RFFL: variants seen among roughly 807,000 people sequenced by gnomAD.
RFFL encodes the protein E3 ubiquitin-protein ligase rififylin.
In RFFL, 16 loss-of-function variants were observed where a neutral mutation model predicts 40.4. The observed-to-expected ratio is 0.40, with a 90% CI of 0.27 to 0.60. The LOEUF is 0.60. Among genes scored for constraint, RFFL ranks in the 20% least tolerant of loss-of-function variants. RFFL has a pLI of 0.47. For missense variants in RFFL, 367 were observed against 451.7 expected, an observed-to-expected ratio of 0.81 and a Z score of 1.70; for synonymous variants, 154 against 167.9, an observed-to-expected ratio of 0.92 and a Z score of 0.64.
chr17:35,024,534 G>A (rs1381575336), intron 2 of RFFL, among the ~76,000 whole-genome samples: 1 of 152,190 alleles, frequency 6.6e-6, no homozygotes, highest in African/African-American at 2.4e-5. Flanking sequence ...TATTTGGCTT[G>A]TGGCAAAAGT....
chr17:35,080,329 A>G (rs2091397752), intron 1 of RFFL, among the ~76,000 whole-genome samples: 1 of 152,198 alleles, frequency 6.6e-6, no homozygotes, highest in South Asian at 2.1e-4. Flanking sequence ...TCTCAGGCAC[A>G]TATTTTAATC....
intron 1 of RFFL, among the ~76,000 whole-genome samples, chr17:35,068,809 AG>A (rs1401207074): frequency 3.3e-5 from 5 of 152,184 alleles, no homozygotes. Flanking sequence ...AGGAGGAGAA[AG>A]GAAGTCAGCA....
intron 1 of RFFL, among the ~76,000 whole-genome samples, chr17:35,055,388 C>A (rs2142361622): frequency 6.6e-6 from 1 of 152,030 alleles, no homozygotes; most frequent in East Asian, 1.9e-4. Flanking sequence ...TTTAATTAAG[C>A]ATTAGGCCAG....
intron 1 of RFFL, among the ~76,000 whole-genome samples, chr17:35,051,366 T>C (rs1347152435): frequency 1.3e-5 from 2 of 152,224 alleles, no homozygotes; most frequent in Non-Finnish European, 2.9e-5. Context: ...AAACACATCC[T>C]GTTTGCACTT....
chr17:35,036,400 A>C (rs1436770911), intron 1 of RFFL: 1 of 152,090 alleles, frequency 6.6e-6, no homozygotes, highest in Non-Finnish European at 1.5e-5. Context: ...TTCCTTCCCA[A>C]ACTCCCCTCA....
chr17:35,015,525 A>G (rs1432232038), intron 5 of RFFL, among the ~76,000 whole-genome samples: 2 of 152,214 alleles, frequency 1.3e-5, no homozygotes, highest in East Asian at 3.9e-4. Flanking sequence ...CCATGTCAGT[A>G]GGCCTCAGTC....
chr17:35,080,543 C>CGATT (rs1487315080), intron 1 of RFFL, among the ~76,000 whole-genome samples: 1 of 152,088 alleles, frequency 6.6e-6, no homozygotes, highest in Non-Finnish European at 1.5e-5. Context: ...GGAGGATGCA[C>CGATT]GATTTACTTA....
chr17:35,070,658 C>G lies in RFFL; in HGVS notation c.-9+18447G>C, dbSNP rs570338287. Among the ~76,000 whole-genome samples the G allele has an allele frequency of 3.9e-4, 59 of 152,172 alleles. No individual in the cohort carries two copies. The South Asian group carries it at 0.011, about 29-fold the overall frequency. ...TTATTTGTCTATGGGCAGTACTGTA[C>G]TGGGAGTGCTGTGCTATCTATTGCT... is the stretch of plus-strand genomic sequence containing the variant. On this transcript the variant is annotated intron_variant, in intron 1 of 6. Transcript: ENST00000315249.
chr17:35,079,404 GA>G (rs2091393699), intron 1 of RFFL, among the ~76,000 whole-genome samples: 1 of 152,188 alleles, frequency 6.6e-6, no homozygotes, highest in Admixed American at 6.5e-5. Context: ...AATAACAACA[GA>G]GCTATAGATA....
At chr17:35,071,207 A>C (rs527673358) in intron 1 of RFFL, among the ~76,000 whole-genome samples, 8 of 152,164 alleles carry the variant, frequency 5.3e-5, no homozygotes, top group South Asian at 2.1e-4. Context: ...CAAAAAAAAA[A>C]AAAAAACAAA....
upstream of RFFL, among the ~76,000 whole-genome samples, chr17:35,067,321 T>G (rs2091325404): frequency 6.6e-6 from 1 of 152,042 alleles, no homozygotes; most frequent in Admixed American, 6.6e-5. Context: ...TTTTGCCATG[T>G]TGGCCAGGCT....
At chr17:35,070,358 TG>T (rs2091341762) in intron 1 of RFFL, among the ~76,000 whole-genome samples, 3 of 152,176 alleles carry the variant, frequency 2.0e-5, no homozygotes, top group African/African-American at 7.2e-5. Flanking sequence ...TTTGTAGAGA[TG>T]GGGTCTCAAT....
At chr17:35,014,231 CAG>C (rs2090959315) in intron 6 of RFFL, among the ~76,000 whole-genome samples, 1 of 152,030 alleles carries the variant, frequency 6.6e-6, no homozygotes, top group South Asian at 2.1e-4. Context: ...AGCTTGTGCC[CAG>C]AGAGTAGCAC....
At chr17:35,045,541 T>C (rs955428000) in intron 1 of RFFL, among the ~76,000 whole-genome samples, 2 of 152,044 alleles carry the variant, frequency 1.3e-5, no homozygotes, top group African/African-American at 4.8e-5. Flanking sequence ...GCCTATATAA[T>C]TCTTTTTAAA....
intron 1 of RFFL, among the ~76,000 whole-genome samples, chr17:35,034,759 C>G (rs887143017): frequency 9.9e-5 from 15 of 152,116 alleles, no homozygotes; most frequent in Non-Finnish European, 1.6e-4. Context: ...CTCCTGACCT[C>G]AGGTGATCCA....
intron 1 of RFFL, among the ~76,000 whole-genome samples, chr17:35,062,920 C>G (rs1212581719): frequency 1.3e-5 from 2 of 152,142 alleles, no homozygotes; most frequent in African/African-American, 4.8e-5. Context: ...AACAAACTCA[C>G]TGATAAGACA....
intron 1 of RFFL, among the ~76,000 whole-genome samples, chr17:35,029,769 C>T (rs2091069964): frequency 1.3e-5 from 2 of 151,458 alleles, no homozygotes; most frequent in East Asian, 3.9e-4. Flanking sequence ...TATATATGTG[C>T]CATGCTGGTG....
At chr17:35,033,467 GC>G (rs2091098667) in intron 1 of RFFL, among the ~76,000 whole-genome samples, 1 of 151,912 alleles carries the variant, frequency 6.6e-6, no homozygotes, top group Middle Eastern at 3.2e-3. Context: ...GGTGGAAGTT[GC>G]AGTGAGCCAA....
At chr17:35,077,239 T>G (rs2091381760) in intron 1 of RFFL, among the ~76,000 whole-genome samples, 1 of 152,014 alleles carries the variant, frequency 6.6e-6, no homozygotes, top group Admixed American at 6.6e-5. Context: ...AGCTCTCAGA[T>G]GGTAGCTTCA....
Sources: allele counts gnomAD v4.1 joint callset (sites outside exome capture counted in the v4.1 genomes callset), GRCh38; gene constraint gnomAD v4.1.1; transcripts MANE v1.5; gene names NCBI Gene and HGNC (gene_info 2026-07-23, HGNC 2026-07-21).